The following ZFP90 variants were observed in gnomAD, a reference collection of about 807,000 sequenced individuals.
The protein encoded by ZFP90 is ZFP90 zinc finger protein, also known as zinc finger protein 90 homolog.
A neutral mutation model predicts 60.8 loss-of-function variants in ZFP90; 38 were observed. That is an observed-to-expected ratio of 0.62 (90% CI 0.48 to 0.82). The LOEUF is 0.82. Among genes scored for constraint, ZFP90 ranks in the 40% least tolerant of loss-of-function variants. ZFP90 has a pLI of 0.00. For synonymous variants in ZFP90, 287 were observed against 264.8 expected, an observed-to-expected ratio of 1.08 and a Z score of -0.82; for missense variants, 711 against 759.1, an observed-to-expected ratio of 0.94 and a Z score of 0.74.
chr16:68,574,952 AAAAG>A (rs1041149731), intron 2 of ZFP90, among the ~76,000 whole-genome samples: 34 of 140,472 alleles, frequency 2.4e-4, no homozygotes, highest in African/African-American at 6.8e-4. Context: ...AGTGGAAAAA[AAAAG>A]AGACACTGTG....
upstream of ZFP90, among the ~76,000 whole-genome samples, chr16:68,536,701 A>C (rs530721536): frequency 1.3e-5 from 2 of 152,282 alleles, no homozygotes; most frequent in African/African-American, 4.8e-5. Flanking sequence ...AGAATTCAGC[A>C]CCCAGCTTCC....
At position 68,564,614 on chromosome 16, in the gene ZFP90, T is replaced by C. The variant is rs1466737773; in HGVS notation, c.1827T>C (p.Tyr609=). 1 of 1,614,074 alleles carries C rather than the reference T, an allele frequency of 6.2e-7. No individual in the cohort carries two copies. The highest frequency in any genetic ancestry group is 1.7e-5 in the Admixed American group (1 of 60,014). The change falls in exon 5 of 5, where the codon TAT becomes TAC. Residue 609 remains tyrosine (Y), a synonymous_variant. Transcript: ENST00000563169. ...GAATTCATACTGGAGAAAAACCCTA[T>C]TCTTGTAAGGAATGTGGGAAAAACT... ...HQRIHTGEKP[Y]SCKECGKNFS...
chr16:68,540,547 T>G (rs980402682), intron 2 of ZFP90, among the ~76,000 whole-genome samples: 1 of 152,124 alleles, frequency 6.6e-6, no homozygotes, highest in South Asian at 2.1e-4. Flanking sequence ...ATCCATTGAT[T>G]TACATATTGG....
At chr16:68,571,715 G>A (rs2091569064), downstream of ZFP90, among the ~76,000 whole-genome samples, 1 of 152,160 alleles carries the variant, frequency 6.6e-6, no homozygotes. Flanking sequence ...GATCACTTGA[G>A]GCCAGGAGTC....
At chr16:68,567,332 TGTG>T (rs2091542990), downstream of ZFP90, among the ~76,000 whole-genome samples, 3 of 152,304 alleles carry the variant, frequency 2.0e-5, no homozygotes, top group Admixed American at 2.0e-4. Flanking sequence ...TGGTTAGCGG[TGTG>T]GTGGTAGTTC....
chr16:68,536,710 C>G (rs1250744121), upstream of ZFP90, among the ~76,000 whole-genome samples: 1 of 152,176 alleles, frequency 6.6e-6, no homozygotes, highest in Non-Finnish European at 1.5e-5. Flanking sequence ...CACCCAGCTT[C>G]CTTTGATAAG....
chr16:68,572,048 G>A (rs779005938), downstream of ZFP90, among the ~76,000 whole-genome samples: 3 of 151,840 alleles, frequency 2.0e-5, no homozygotes, highest in Admixed American at 6.6e-5. Flanking sequence ...TTTTGAGGTG[G>A]GGTCTCTGAT....
rs779800014 is a variant in ZFP90, at chr16:68,566,856, C to G, written c.*2158C>G. 8.1e-6 allele frequency: 8 copies of G among 985,350 alleles called. No individual in the cohort carries two copies. The highest frequency in any genetic ancestry group is 1.0e-3 in the Middle Eastern group (2 of 1,934). 61.0% of individuals were successfully genotyped at this position (985,350 alleles called of 1,614,324 possible). A position where few individuals can be genotyped will look rare whatever the true frequency, so the allele number is the denominator to read the frequency against. The stretch of plus-strand genomic sequence containing the variant: ...CAACTGAGTGCTGCCCCCACTGTTA[C>G]GGAAGTTTATAAAACCTTAGTTCCA... On this transcript the variant is annotated 3_prime_UTR_variant, in exon 5 of 5. Coordinates refer to ENST00000563169, the MANE Select transcript of ZFP90 (RefSeq NM_001305203.2).
chr16:68,540,039 G>T (rs1597710523), intron 2 of ZFP90, among the ~76,000 whole-genome samples: 1 of 152,244 alleles, frequency 6.6e-6, no homozygotes, highest in African/African-American at 2.4e-5. Flanking sequence ...AGTGTGGTGC[G>T]ATCTTGTGGG....
intron 2 of ZFP90, among the ~76,000 whole-genome samples, chr16:68,556,341 G>A (rs1419588506): frequency 6.6e-6 from 1 of 152,140 alleles, no homozygotes; most frequent in Non-Finnish European, 1.5e-5. Context: ...CCATGGGATG[G>A]TAGAGGAAAA....
Position 68,539,757 on chromosome 16 carries a change from G to T in ZFP90, c.-35-1G>T. 1 of 1,561,084 alleles carries T rather than the reference G, an allele frequency of 6.4e-7. No homozygotes were observed. The highest frequency in any genetic ancestry group is 8.7e-7 in the Non-Finnish European group (1 of 1,153,546). ...GAGTGGGCCCTGTCCTTTCTCCCCAGCTCCTGCCCCGGAGCCGGGCCCTGG... is the reference window on the plus strand; with the variant it reads ...GAGTGGGCCCTGTCCTTTCTCCCCATCTCCTGCCCCGGAGCCGGGCCCTGG... On this transcript the variant is annotated splice_acceptor_variant, in intron 1 of 4. Coordinates refer to ENST00000563169, the MANE Select transcript of ZFP90 (RefSeq NM_001305203.2). LOFTEE classifies it low-confidence loss of function (5UTR_SPLICE).
chr16:68,539,745 C>G lies in ZFP90; in HGVS notation c.-35-13C>G. ...TTGCAGCGGGGTGAGTGGGCCCTGT[C>G]CTTTCTCCCCAGCTCCTGCCCCGGA... On this transcript the variant is annotated splice_polypyrimidine_tract_variant and intron_variant, in intron 1 of 4. Transcript: ENST00000563169. 6.5e-7 allele frequency: 1 copy of G among 1,543,354 alleles called. No individual in the cohort carries two copies. Among genetic ancestry groups the G allele is most frequent in the Admixed American group, 1.9e-5 (1 of 51,462 alleles).
chr16:68,567,562 A>G (rs1323654608), downstream of ZFP90, among the ~76,000 whole-genome samples: 11 of 152,170 alleles, frequency 7.2e-5, no homozygotes, highest in East Asian at 2.1e-3. Flanking sequence ...CCAAAAGATA[A>G]AGGCCTAGAG....
chr16:68,550,543 G>T (rs952408889), intron 2 of ZFP90, among the ~76,000 whole-genome samples: 1 of 152,182 alleles, frequency 6.6e-6, no homozygotes, highest in South Asian at 2.1e-4. Context: ...GAGCCACTGC[G>T]CCTGGCCCAG....
intron 4 of ZFP90, among the ~76,000 whole-genome samples, chr16:68,561,825 T>C (rs1043619114): frequency 3.3e-5 from 5 of 152,226 alleles, no homozygotes; most frequent in Non-Finnish European, 1.5e-5. Context: ...TGATTCTTAT[T>C]GCAGGGTAAG....
At chr16:68,567,912 G>T (rs988722357), downstream of ZFP90, among the ~76,000 whole-genome samples, 1 of 152,072 alleles carries the variant, frequency 6.6e-6, no homozygotes, top group African/African-American at 2.4e-5. Flanking sequence ...GCTGCAGTAG[G>T]CTTTTCACTT....
At chr16:68,560,271 T>TA (rs1205553058) in intron 4 of ZFP90, among the ~76,000 whole-genome samples, 1 of 152,176 alleles carries the variant, frequency 6.6e-6, no homozygotes, top group Non-Finnish European at 1.5e-5. Flanking sequence ...TCATACCCAT[T>TA]AACAGTTACT....
intron 2 of ZFP90, among the ~76,000 whole-genome samples, chr16:68,572,562 A>G (rs1275165862): frequency 6.6e-6 from 1 of 152,172 alleles, no homozygotes; most frequent in African/African-American, 2.4e-5. Context: ...CTTGGCCCCT[A>G]TAGATATAAA....
In ZFP90 at chr16:68,544,864, C is replaced by CT. The variant is rs71148911; in HGVS notation, c.33+5076dup. On this transcript the variant is annotated intron_variant, in intron 2 of 4. Coordinates refer to ENST00000563169, the MANE Select transcript of ZFP90 (RefSeq NM_001305203.2). ...GTGTGCCCATAGCACCTGTGAACACCTTTTTTTTTTTTTTTTTTTTTTTTT... is the reference window on the plus strand; with the variant it reads ...GTGTGCCCATAGCACCTGTGAACACCTTTTTTTTTTTTTTTTTTTTTTTTTT... Among the ~76,000 whole-genome samples the CT allele has an allele frequency of 7.1e-3, 472 of 66,558 alleles. 46 individuals carry two copies. Among genetic ancestry groups the CT allele is most frequent in the Non-Finnish European group, 8.7e-3 (320 of 36,928 alleles). 43.7% of individuals were successfully genotyped at this position (66,558 alleles called of 152,430 possible).
Sources: allele counts gnomAD v4.1 joint callset (sites outside exome capture counted in the v4.1 genomes callset), GRCh38; gene constraint gnomAD v4.1.1; transcripts MANE v1.5; gene names NCBI Gene and HGNC (gene_info 2026-07-23, HGNC 2026-07-21).